CA14: variants seen among roughly 807,000 people sequenced by gnomAD.
CA14 encodes the protein CA-XIV.
CA14 carries 44 observed loss-of-function variants against 48.8 expected under a neutral mutation model. The ratio of observed to expected loss-of-function variants is 0.90; its 90% CI spans 0.71 to 1.16. CA14 has a LOEUF of 1.16. Among genes scored for constraint, CA14 ranks in the 50% most tolerant of loss-of-function variants. The pLI is 0.00. For synonymous variants in CA14, 154 were observed against 155.0 expected (o/e 0.99, Z 0.05); for missense variants, 386 against 401.0 (o/e 0.96, Z 0.32).
intron 3 of CA14, among the ~76,000 whole-genome samples, chr1:150,261,926 G>A (rs1393270919): frequency 6.6e-6 from 1 of 152,162 alleles, no homozygotes; most frequent in Admixed American, 6.6e-5. Context: ...TAGCCAAAGC[G>A]GGAATCGAAA....
At chr1:150,259,967 C>G (rs1038920169) in intron 1 of CA14, among the ~76,000 whole-genome samples, 184 bp from the exon 2 acceptor site, 1 of 152,146 alleles carries the variant, frequency 6.6e-6, no homozygotes, top group East Asian at 1.9e-4. Context: ...TTTAAATAGG[C>G]CCCCCGACCT....
intron 3 of CA14, 125 bp downstream of exon 3, chr1:150,261,763 T>G (rs1452159187): frequency 1.1e-5 from 9 of 850,760 alleles, no homozygotes; most frequent in Non-Finnish European, 1.6e-5. Context: ...CGCCCTCAAA[T>G]CTTGTCAAGA....
In CA14 at chr1:150,261,590, G is replaced by T; in HGVS notation, c.208G>T (p.Asp70Tyr). 6.2e-7 allele frequency: 1 copy of T among 1,614,168 alleles called. No homozygotes were observed. Among genetic ancestry groups the T allele is most frequent in the Non-Finnish European group, 8.5e-7 (1 of 1,180,034 alleles). The change falls in exon 3 of 11, where the codon GAC (aspartate) becomes TAC (tyrosine). Residue 70 changes from aspartate (D) to tyrosine (Y), a missense_variant. Coordinates refer to ENST00000369111, the MANE Select transcript of CA14 (RefSeq NM_012113.3). ...GCCTGCTCTGCAGCCCCACGGATAT[G>T]ACCAGCCTGGCACCGAGCCTTTGGA... is the stretch of plus-strand genomic sequence containing the variant. The part of the protein sequence containing the change: ...DLPALQPHGY[D>Y]QPGTEPLDLH...
intron 1 of CA14, among the ~76,000 whole-genome samples, chr1:150,259,672 T>C (rs1650828976): frequency 6.6e-6 from 1 of 152,046 alleles, no homozygotes; most frequent in African/African-American, 2.4e-5. Context: ...AGCAAAGGAA[T>C]AATCTCCCCT....
intron 3 of CA14, among the ~76,000 whole-genome samples, 192 bp downstream of exon 3, chr1:150,261,830 A>G (rs1376184016): frequency 6.6e-6 from 1 of 152,262 alleles, no homozygotes; most frequent in Non-Finnish European, 1.5e-5. Flanking sequence ...CAGGAGTCAG[A>G]GGAAAGCAGC....
In CA14 at chr1:150,258,119, C is replaced by T; in HGVS notation, c.-10C>T. On this transcript the variant is annotated 5_prime_UTR_variant, in exon 1 of 11. Transcript: ENST00000369111. ...AATTCCCAGTCCCCTGCACCCCTTC[C>T]TGGGACACTATGTTGTTCTCCGCCC... The T allele has an allele frequency of 6.2e-7, 1 of 1,607,688 alleles. No homozygotes were observed.
At position 150,264,629 on chromosome 1, in the gene CA14, C is replaced by T; in HGVS notation, c.984C>T (p.Phe328=). 6.2e-7 allele frequency: 1 copy of T among 1,613,210 alleles called. No homozygotes were observed. The part of the protein sequence containing the change: ...KRLENRKSVV[F]TSAQATTEA Reference sequence around the variant, plus strand: ...TGGAAAACCGAAAGAGTGTGGTCTTCACCTCAGCACAAGCCACGACTGAGG... The same window carrying T: ...TGGAAAACCGAAAGAGTGTGGTCTTTACCTCAGCACAAGCCACGACTGAGG... Residue 328 remains phenylalanine (F), a synonymous_variant, in exon 11 of 11, where the codon TTC becomes TTT. Transcript: ENST00000369111.
At chr1:150,263,594 G>C (rs1040704135) in intron 8 of CA14, 65 bp from the exon 9 acceptor site, 3 of 1,612,124 alleles carry the variant, frequency 1.9e-6, no homozygotes, top group African/African-American at 1.3e-5. Flanking sequence ...CACAGCAGCA[G>C]AGAGTGCTGC....
chr1:150,261,360 T>C, intron 2 of CA14, 99 bp from the exon 3 acceptor site: 1 of 1,045,838 alleles, frequency 9.6e-7, no homozygotes, highest in Non-Finnish European at 1.4e-6. Flanking sequence ...TCCACACAGA[T>C]GTATGGCTTG....
chr1:150,263,657 A>G lies in CA14; in HGVS notation c.842-2A>G, dbSNP rs1651310938. The stretch of plus-strand genomic sequence containing the variant: ...CCACTGACCCATTTTCTTCTCTTAC[A>G]GCAGGATCCTCGTATACCACAGGTA... On this transcript the variant is annotated splice_acceptor_variant, in intron 8 of 10. Coordinates refer to ENST00000369111, the MANE Select transcript of CA14 (RefSeq NM_012113.3). LOFTEE classifies it high-confidence loss of function. The G allele has an allele frequency of 6.2e-7, 1 of 1,613,870 alleles. No homozygotes were observed. Among genetic ancestry groups the G allele is most frequent in the South Asian group, 1.1e-5 (1 of 91,088 alleles).
At chr1:150,262,897 A>T in intron 6 of CA14, 27 bp downstream of exon 6, 1 of 1,594,220 alleles carries the variant, frequency 6.3e-7, no homozygotes, top group Non-Finnish European at 8.6e-7. Context: ...TATAGCAGGA[A>T]GTAAGATTAG....
intron 10 of CA14, 92 bp from the exon 11 acceptor site, chr1:150,264,500 GC>G: frequency 1.3e-6 from 1 of 763,840 alleles, no homozygotes; most frequent in Non-Finnish European, 2.3e-6. Flanking sequence ...ACCTTGCCCA[GC>G]CCTCTTTTCT....
In CA14 at chr1:150,262,079, C is replaced by G. The variant is rs1485656542; in HGVS notation, c.257-79C>G. ...AGAAAACTGGAAGAGGGCCAAGTCT[C>G]CCAAGAAGTGGTGGCAACCCAGGAG... On this transcript the variant is annotated intron_variant, in intron 3 of 10. Transcript: ENST00000369111. The G allele has an allele frequency of 1.9e-6, 3 of 1,564,694 alleles. No individual in the cohort carries two copies. The South Asian group carries it at 3.4e-5, about 18-fold the overall frequency.
chr1:150,258,804 C>A (rs781923093), intron 1 of CA14, among the ~76,000 whole-genome samples: 4 of 152,176 alleles, frequency 2.6e-5, no homozygotes, highest in African/African-American at 9.7e-5. Context: ...CTGAAGCGCT[C>A]CAGGAGTGTC....
Position 150,258,297 on chromosome 1 carries a change from G to A in CA14, c.55+114G>A, listed in dbSNP as rs587761207. 6 of 738,374 alleles carry A rather than the reference G, an allele frequency of 8.1e-6. No homozygotes were observed. In the East Asian group the frequency reaches 1.5e-4, roughly 18 times the overall value. 45.7% of individuals were successfully genotyped at this position (738,374 alleles called of 1,614,324 possible). ...GGAAGCCTAGAGGCTGGAATAATAG[G>A]CTCAGAGATGAGGAAAAAAGAGTGG... is the stretch of plus-strand genomic sequence containing the variant. On this transcript the variant is annotated intron_variant, in intron 1 of 10. Coordinates refer to ENST00000369111, the MANE Select transcript of CA14 (RefSeq NM_012113.3).
rs782707272 is a variant in CA14, at chr1:150,263,727, G to T, written c.862+48G>T. 2.5e-6 allele frequency: 4 copies of T among 1,613,112 alleles called. No homozygotes were observed. The Admixed American group carries it at 6.7e-5, about 27-fold the overall frequency. On this transcript the variant is annotated intron_variant, in intron 9 of 10. Transcript: ENST00000369111. The stretch of plus-strand genomic sequence containing the variant: ...TGCGGGGAGGGGAGGTGTCCTCACC[G>T]AGTGGGGGAAAGGCTCAAAATCTAT...
chr1:150,263,255 C>T, intron 7 of CA14, 44 bp from the exon 8 acceptor site: 1 of 1,613,648 alleles, frequency 6.2e-7, no homozygotes, highest in Non-Finnish European at 8.5e-7. Context: ...CAGACCCCTT[C>T]CCACTCCCCA....
rs1393085261 is a variant in CA14 at position 150,263,315 on chromosome 1, G to T, written c.737G>T (p.Gly246Val). 6.2e-7 allele frequency: 1 copy of T among 1,614,052 alleles called. No homozygotes were observed. Among genetic ancestry groups the T allele is most frequent in the Non-Finnish European group, 8.5e-7 (1 of 1,180,040 alleles). Residue 246 changes from glycine to valine, a missense_variant, in exon 8 of 11, where the codon GGG becomes GTG. Coordinates refer to ENST00000369111, the MANE Select transcript of CA14 (RefSeq NM_012113.3). ...GCTCCTCAGCTGGAAAAGCTTCAGG[G>T]GACATTGTTCTCCACAGAAGAGGAG... is the stretch of plus-strand genomic sequence containing the variant. Reference protein sequence around the residue: ...ISMEQLEKLQGTLFSTEEEPS... With the variant: ...ISMEQLEKLQVTLFSTEEEPS...
Position 150,263,267 on chromosome 1 carries a change from A to G in CA14, c.721-32A>G, listed in dbSNP as rs781960899. On this transcript the variant is annotated intron_variant, in intron 7 of 10. Coordinates refer to ENST00000369111, the MANE Select transcript of CA14 (RefSeq NM_012113.3). ...CTTCAGACCCCTTCCCACTCCCCAA[A>G]GTAACACCTCTCCCACGCTTCTGCT... is the stretch of plus-strand genomic sequence containing the variant. 2.5e-6 allele frequency: 4 copies of G among 1,613,822 alleles called. No homozygotes were observed. In the African/African-American group the frequency reaches 5.3e-5, roughly 22 times the overall value.
Sources: gnomAD v4.1 joint callset for allele counts (sites outside exome capture counted in the v4.1 genomes callset) on GRCh38, gnomAD v4.1.1 for gene constraint, MANE v1.5 for transcripts, NCBI Gene and HGNC (gene_info 2026-07-23, HGNC 2026-07-21) for gene names.